Variants in ASAP2 observed in about 807,000 individuals in gnomAD.
ASAP2 encodes the protein ArfGAP with SH3 domain, ankyrin repeat and PH domain 2.
A neutral mutation model predicts 131.4 loss-of-function variants in ASAP2; 45 were observed. The observed-to-expected ratio is 0.34, with a 90% CI of 0.27 to 0.44. The LOEUF is 0.44. ASAP2 is among the 20% of genes least tolerant of loss of function. The pLI, the probability that ASAP2 is intolerant of heterozygous loss-of-function variation, is 1.00. For missense variants in ASAP2, 1,011 were observed against 1,297.0 expected (o/e 0.78, Z 3.39); for synonymous variants, 510 against 503.0 (o/e 1.01, Z -0.19).
chr2:9,222,188 C>T (rs973438199), intron 1 of ASAP2, among the ~76,000 whole-genome samples: 25 of 152,266 alleles, frequency 1.6e-4, no homozygotes, highest in Middle Eastern at 3.4e-3. Context: ...TGATGAACTT[C>T]GGTATTAAAA....
intron 6 of ASAP2, among the ~76,000 whole-genome samples, chr2:9,326,704 C>T (rs1393670260): frequency 1.3e-5 from 2 of 152,156 alleles, no homozygotes; most frequent in African/African-American, 2.4e-5. Flanking sequence ...TATTTTCACT[C>T]TCTAGTATGT....
intron 24 of ASAP2, among the ~76,000 whole-genome samples, chr2:9,397,859 C>T (rs1282564016): frequency 1.4e-5 from 2 of 144,996 alleles, no homozygotes; most frequent in African/African-American, 5.1e-5. Context: ...CCCGGGTTCA[C>T]GCCATTCTCC....
Position 9,389,334 on chromosome 2 carries a change from G to A in ASAP2, c.2383+788G>A, listed in dbSNP as rs976117505. Among the ~76,000 whole-genome samples the A allele has an allele frequency of 6.6e-6, 1 of 152,180 alleles. No homozygotes were observed. The highest frequency in any genetic ancestry group is 1.5e-5 in the Non-Finnish European group (1 of 68,022). The stretch of plus-strand genomic sequence containing the variant: ...CTGAGACTTTGATGCGGGGCGGGGG[G>A]CCCAGGAAGGACAAGAGTCTGCACA... On this transcript the variant is annotated intron_variant, in intron 22 of 27. Coordinates refer to ENST00000281419, the MANE Select transcript of ASAP2 (RefSeq NM_003887.3). This position sits in a 1 kb window ranked among gnomAD's most constrained non-coding sequence, Gnocchi z 4.7.
At chr2:9,369,683 G>T (rs1673781854) in intron 16 of ASAP2, among the ~76,000 whole-genome samples, 1 of 152,138 alleles carries the variant, frequency 6.6e-6, no homozygotes, top group African/African-American at 2.4e-5. Context: ...ATAAGAAAAA[G>T]TATTTAAAAA....
chr2:9,342,508 A>C (rs1323953209), intron 9 of ASAP2, among the ~76,000 whole-genome samples: 1 of 152,260 alleles, frequency 6.6e-6, no homozygotes, highest in Non-Finnish European at 1.5e-5. Context: ...CAATTAATTC[A>C]AAATGAGTCA....
At chr2:9,320,250 T>A in intron 4 of ASAP2, 38 bp from the exon 5 acceptor site, 2 of 1,529,554 alleles carry the variant, frequency 1.3e-6, no homozygotes, top group Non-Finnish European at 1.8e-6. Flanking sequence ...CAGAAGTGAA[T>A]GATTAGTCTT....
chr2:9,400,323 C>T (rs1676551119), intron 25 of ASAP2, among the ~76,000 whole-genome samples: 1 of 82,716 alleles, frequency 1.2e-5, no homozygotes, highest in Non-Finnish European at 2.5e-5. Flanking sequence ...TTCCTCTGCT[C>T]CCTTCTCCTC....
intron 24 of ASAP2, among the ~76,000 whole-genome samples, chr2:9,395,338 G>C (rs1031172771): frequency 2.6e-5 from 4 of 151,978 alleles, no homozygotes; most frequent in Admixed American, 2.0e-4. Flanking sequence ...AGCTGGGCAT[G>C]GTGGCATGCA....
intron 4 of ASAP2, among the ~76,000 whole-genome samples, chr2:9,319,029 T>C (rs1158808918): frequency 2.6e-5 from 4 of 152,206 alleles, no homozygotes; most frequent in Non-Finnish European, 5.9e-5. Context: ...ACTTTGTCTC[T>C]CTGTCCTTCA....
At chr2:9,299,324 C>A (rs2148403741) in intron 3 of ASAP2, among the ~76,000 whole-genome samples, 1 of 152,210 alleles carries the variant, frequency 6.6e-6, no homozygotes, top group South Asian at 2.1e-4. Flanking sequence ...TCAGCAGCAG[C>A]ACTGGAAACG....
intron 1 of ASAP2, among the ~76,000 whole-genome samples, chr2:9,212,991 T>G (rs927287987): frequency 6.6e-6 from 1 of 152,220 alleles, no homozygotes; most frequent in Non-Finnish European, 1.5e-5. Context: ...CTTAAATTAG[T>G]CTGGGTGGGG....
At chr2:9,394,978 AAC>A (rs2148809191) in intron 24 of ASAP2, among the ~76,000 whole-genome samples, 1 of 152,298 alleles carries the variant, frequency 6.6e-6, no homozygotes, top group South Asian at 2.1e-4. Flanking sequence ...CTGTGACCAG[AAC>A]ACCTACATGT....
chr2:9,289,490 G>T (rs1209621070), intron 2 of ASAP2, among the ~76,000 whole-genome samples: 1 of 152,134 alleles, frequency 6.6e-6, no homozygotes, highest in Non-Finnish European at 1.5e-5. Flanking sequence ...ATGAATAAAA[G>T]TAAATGCGGA....
chr2:9,339,331 G>A lies in ASAP2; in HGVS notation c.849+4152G>A, dbSNP rs191102985. On this transcript the variant is annotated intron_variant, in intron 9 of 27. Transcript: ENST00000281419. ...CATGGATCTTGGCATTTGAATCCTG[G>A]GTCTCCCACTTCCTACCCTGCCCTG... 5.0e-3 allele frequency among the ~76,000 whole-genome samples: 762 copies of A among 151,938 alleles called. 5 individuals are homozygous for A. Among genetic ancestry groups the A allele is most frequent in the African/African-American group, 0.018 (729 of 41,420 alleles).
chr2:9,258,794 C>CT (rs914885522), intron 1 of ASAP2, among the ~76,000 whole-genome samples: 1 of 152,204 alleles, frequency 6.6e-6, no homozygotes, highest in Non-Finnish European at 1.5e-5. Flanking sequence ...ATGATCTTCA[C>CT]TTTTACTTAT....
intron 1 of ASAP2, among the ~76,000 whole-genome samples, chr2:9,252,466 C>T (rs2148141136): frequency 6.6e-6 from 1 of 152,232 alleles, no homozygotes; most frequent in African/African-American, 2.4e-5. Flanking sequence ...CCCAGCTACT[C>T]AGGAGGCTAC....
At chr2:9,393,783 T>C (rs1391946705) in intron 24 of ASAP2, 136 bp downstream of exon 24, 6 of 922,220 alleles carry the variant, frequency 6.5e-6, no homozygotes, top group African/African-American at 1.7e-5. Flanking sequence ...TCATCGGGGC[T>C]GAAGGGTCTT....
intron 11 of ASAP2, 94 bp downstream of exon 11, chr2:9,344,894 G>T: frequency 9.6e-7 from 1 of 1,045,970 alleles, no homozygotes; most frequent in Non-Finnish European, 1.5e-6. Context: ...GTTGTTCTCC[G>T]TGTGTGATGG....
intron 1 of ASAP2, among the ~76,000 whole-genome samples, chr2:9,260,573 C>A (rs944568414): frequency 2.6e-5 from 4 of 152,128 alleles, no homozygotes; most frequent in Non-Finnish European, 5.9e-5. Context: ...CGTCACACTC[C>A]TTTTTTAGAA....
Sources: gnomAD v4.1 joint callset for allele counts (sites outside exome capture counted in the v4.1 genomes callset) on GRCh38, gnomAD v4.1.1 for gene constraint, Gnocchi (gnomAD v3.1) non-coding constraint, MANE v1.5 for transcripts, NCBI Gene and HGNC (gene_info 2026-07-23, HGNC 2026-07-21) for gene names.